SLC24A2: variants seen among roughly 807,000 people sequenced by gnomAD.
SLC24A2 encodes the protein solute carrier family 24 member 2.
A neutral mutation model predicts 62.0 loss-of-function variants in SLC24A2; 36 were observed. The observed-to-expected ratio is 0.58, with a 90% CI of 0.44 to 0.77. SLC24A2 has a LOEUF of 0.77. Among genes scored for constraint, SLC24A2 ranks in the 30% least tolerant of loss-of-function variants. The pLI is 0.00. For missense variants in SLC24A2, 846 were observed against 817.9 expected, an observed-to-expected ratio of 1.03 and a Z score of -0.42; for synonymous variants, 358 against 294.0, an observed-to-expected ratio of 1.22 and a Z score of -2.23.
the SLC24A2 span, among the ~76,000 whole-genome samples, chr9:19,876,014 T>C: frequency 2.0e-5 from 3 of 152,184 alleles, no homozygotes; most frequent in African/African-American, 7.2e-5. Flanking sequence ...ACCAACACTT[T>C]CTCCAAAAAT....
chr9:20,306,231 C>T, the SLC24A2 span, among the ~76,000 whole-genome samples: 2 of 152,300 alleles, frequency 1.3e-5, no homozygotes, highest in Middle Eastern at 3.4e-3. Context: ...GATTCTTTAA[C>T]TCCTTTGGCC....
intron 9 of SLC24A2, among the ~76,000 whole-genome samples, chr9:19,523,529 C>A (rs1833294663): frequency 6.6e-6 from 1 of 151,364 alleles, no homozygotes; most frequent in South Asian, 2.1e-4. Flanking sequence ...GTGGTGTGAT[C>A]TCGGCTCACT....
At chr9:20,104,655 A>G in the SLC24A2 span, among the ~76,000 whole-genome samples, 1 of 152,196 alleles carries the variant, frequency 6.6e-6, no homozygotes, top group Non-Finnish European at 1.5e-5. Context: ...ATGCTGAGAG[A>G]TTTTGTCACC....
chr9:19,897,149 T>G, the SLC24A2 span, among the ~76,000 whole-genome samples: 1 of 152,220 alleles, frequency 6.6e-6, no homozygotes, highest in South Asian at 2.1e-4. Flanking sequence ...AAACTGGGCC[T>G]TGGTAGAACT....
At chr9:19,605,188 A>G (rs1267863428) in intron 4 of SLC24A2, among the ~76,000 whole-genome samples, 1 of 152,230 alleles carries the variant, frequency 6.6e-6, no homozygotes, top group Non-Finnish European at 1.5e-5. Context: ...TTGACCCCCA[A>G]GTGACACCCA....
the SLC24A2 span, among the ~76,000 whole-genome samples, chr9:20,190,623 T>C: frequency 6.6e-6 from 1 of 152,204 alleles, no homozygotes; most frequent in African/African-American, 2.4e-5. Flanking sequence ...CCCAGCATCA[T>C]ACAACTAGTA....
At chr9:19,517,156 G>A (rs570947633) in intron 10 of SLC24A2, among the ~76,000 whole-genome samples, 2 of 152,278 alleles carry the variant, frequency 1.3e-5, no homozygotes, top group Admixed American at 1.3e-4. Flanking sequence ...GACCTCAGGA[G>A]AGCTAGTTTC....
At chr9:20,075,195 G>A in the SLC24A2 span, among the ~76,000 whole-genome samples, 127 of 152,136 alleles carry the variant, frequency 8.3e-4, no homozygotes, top group Non-Finnish European at 1.5e-3. Context: ...ATGAAATTGG[G>A]AACAGGAATA....
At chr9:20,300,475 C>G in the SLC24A2 span, among the ~76,000 whole-genome samples, 2 of 152,304 alleles carry the variant, frequency 1.3e-5, no homozygotes, top group Non-Finnish European at 2.9e-5. Flanking sequence ...TAGACTCTTA[C>G]TATTCTCCCC....
At chr9:19,762,841 T>C (rs541898463) in intron 2 of SLC24A2, among the ~76,000 whole-genome samples, 25 of 151,912 alleles carry the variant, frequency 1.6e-4, no homozygotes, top group African/African-American at 5.3e-4. Flanking sequence ...AGTTGTTTTT[T>C]CTAATTCTGT....
intron 2 of SLC24A2, among the ~76,000 whole-genome samples, chr9:19,748,678 TTTTGTTTG>T (rs144922245): frequency 1.3e-5 from 2 of 150,604 alleles, no homozygotes; most frequent in South Asian, 2.2e-4. Flanking sequence ...TTTTTGATTT[TTTTGTTTG>T]TTTGTTTGTT....
chr9:19,911,906 TG>T, the SLC24A2 span, among the ~76,000 whole-genome samples: 1 of 152,152 alleles, frequency 6.6e-6, no homozygotes, highest in South Asian at 2.1e-4. Context: ...AACAAACATA[TG>T]TGGATACATT....
intron 2 of SLC24A2, among the ~76,000 whole-genome samples, chr9:19,735,569 G>A (rs2118738486): frequency 6.6e-6 from 1 of 152,264 alleles, no homozygotes; most frequent in Middle Eastern, 3.4e-3. Context: ...TATGTTTATT[G>A]CGGCACTATT....
chr9:19,639,534 G>C (rs567626514), intron 2 of SLC24A2, among the ~76,000 whole-genome samples: 2 of 152,328 alleles, frequency 1.3e-5, no homozygotes, highest in African/African-American at 4.8e-5. Flanking sequence ...TCTGGTCAGA[G>C]GACAGAACTT....
chr9:19,533,725 T>C (rs1035872839), intron 8 of SLC24A2, among the ~76,000 whole-genome samples: 1 of 152,172 alleles, frequency 6.6e-6, no homozygotes, highest in African/African-American at 2.4e-5. Context: ...CAACCCAAAT[T>C]GCCAATTCAC....
At chr9:19,803,512 G>T in the SLC24A2 span, among the ~76,000 whole-genome samples, 2 of 152,112 alleles carry the variant, frequency 1.3e-5, no homozygotes, top group East Asian at 3.8e-4. Flanking sequence ...AGAAAGTCTG[G>T]AGTTTTAATT....
the SLC24A2 span, among the ~76,000 whole-genome samples, chr9:20,222,501 C>A: frequency 6.6e-6 from 1 of 152,020 alleles, no homozygotes; most frequent in East Asian, 1.9e-4. Flanking sequence ...AGGCAAATAT[C>A]CAACTAATTT....
At chr9:19,562,336 G>GTT (rs974887249) in intron 7 of SLC24A2, among the ~76,000 whole-genome samples, 2 of 152,090 alleles carry the variant, frequency 1.3e-5, no homozygotes, top group African/African-American at 4.8e-5. Flanking sequence ...TGGTAATGGA[G>GTT]TTTTTTTCCT....
the SLC24A2 span, among the ~76,000 whole-genome samples, chr9:20,097,084 C>A: frequency 6.6e-6 from 1 of 152,170 alleles, no homozygotes; most frequent in Non-Finnish European, 1.5e-5. Flanking sequence ...TTGGCTTACA[C>A]CTATAATAAA....
Sources: gnomAD v4.1 joint callset for allele counts (sites outside exome capture counted in the v4.1 genomes callset) on GRCh38, gnomAD v4.1.1 for gene constraint, MANE v1.5 for transcripts, NCBI Gene and HGNC (gene_info 2026-07-23, HGNC 2026-07-21) for gene names.